MOXD1: variants seen among roughly 807,000 people sequenced by gnomAD.
MOXD1 encodes DBH-like monooxygenase protein 1.
In MOXD1, 62 loss-of-function variants were observed where a neutral mutation model predicts 66.6. The observed-to-expected ratio is 0.93, with a 90% CI of 0.76 to 1.15. The LOEUF is 1.15. Among genes scored for constraint, MOXD1 ranks in the 50% most tolerant of loss-of-function variants. The pLI is 0.00. For synonymous variants in MOXD1, 303 were observed against 281.9 expected, an observed-to-expected ratio of 1.07 and a Z score of -0.75; for missense variants, 847 against 754.6, an observed-to-expected ratio of 1.12 and a Z score of -1.44.
At chr6:132,387,579 C>T (rs1358888088) in intron 1 of MOXD1, among the ~76,000 whole-genome samples, 1 of 150,250 alleles carries the variant, frequency 6.7e-6, no homozygotes, top group Non-Finnish European at 1.5e-5. Context: ...CAAGGTGAAA[C>T]TCCATCTCTA....
At chr6:132,367,790 T>C (rs1776176775) in intron 4 of MOXD1, among the ~76,000 whole-genome samples, 1 of 152,094 alleles carries the variant, frequency 6.6e-6, no homozygotes, top group Admixed American at 6.6e-5. Context: ...ATGAAAATAC[T>C]GAACTGTGTG....
intron 8 of MOXD1, among the ~76,000 whole-genome samples, 164 bp downstream of exon 8, chr6:132,322,515 A>G (rs187312193): frequency 3.1e-4 from 47 of 152,346 alleles, no homozygotes; most frequent in African/African-American, 1.1e-3. Context: ...TGGAAAACAG[A>G]TCAAACACAT....
chr6:132,314,008 G>A (rs1774887953), intron 10 of MOXD1, among the ~76,000 whole-genome samples: 2 of 152,116 alleles, frequency 1.3e-5, no homozygotes, highest in African/African-American at 2.4e-5. Context: ...TTGAATAGTA[G>A]TGATCATTAG....
intron 4 of MOXD1, among the ~76,000 whole-genome samples, chr6:132,364,579 G>A (rs185421653): frequency 6.6e-6 from 1 of 152,276 alleles, no homozygotes; most frequent in East Asian, 1.9e-4. Context: ...TACCTCCAGA[G>A]CCAATTCTTG....
At chr6:132,362,019 T>G (rs1225186120) in intron 4 of MOXD1, among the ~76,000 whole-genome samples, 1 of 152,082 alleles carries the variant, frequency 6.6e-6, no homozygotes, top group Non-Finnish European at 1.5e-5. Context: ...CACATATAAT[T>G]TTTCCTGCTA....
At chr6:132,388,567 C>A (rs1028243375) in intron 1 of MOXD1, among the ~76,000 whole-genome samples, 1 of 151,448 alleles carries the variant, frequency 6.6e-6, no homozygotes, top group Non-Finnish European at 1.5e-5. Flanking sequence ...TCTTCCTCCT[C>A]CTCCCTTCTG....
At chr6:132,387,487 C>T (rs1776675087) in intron 1 of MOXD1, among the ~76,000 whole-genome samples, 1 of 150,926 alleles carries the variant, frequency 6.6e-6, no homozygotes, top group Admixed American at 6.7e-5. Flanking sequence ...AGCACGGTAG[C>T]TCACACCTGT....
chr6:132,308,369 C>T (rs1290737537), intron 10 of MOXD1, among the ~76,000 whole-genome samples: 1 of 152,096 alleles, frequency 6.6e-6, no homozygotes, highest in Non-Finnish European at 1.5e-5. Flanking sequence ...GAAGTTGAGG[C>T]AGTAATTAAT....
intron 4 of MOXD1, among the ~76,000 whole-genome samples, chr6:132,330,350 T>C (rs944404887): frequency 7.9e-5 from 12 of 152,220 alleles, no homozygotes; most frequent in African/African-American, 2.7e-4. Flanking sequence ...AGTGCGAATC[T>C]TATTATGAAC....
At chr6:132,385,485 TA>T (rs1482478152) in intron 1 of MOXD1, among the ~76,000 whole-genome samples, 28 of 141,052 alleles carry the variant, frequency 2.0e-4, no homozygotes, top group African/African-American at 7.3e-4. Flanking sequence ...TTATTATTAT[TA>T]TTATTATTAT....
At chr6:132,303,734 CATTTATTT>C (rs1774604866) in intron 10 of MOXD1, among the ~76,000 whole-genome samples, 1 of 142,626 alleles carries the variant, frequency 7.0e-6, no homozygotes, top group Non-Finnish European at 1.5e-5. Context: ...CACACACACA[CATTTATTT>C]ATACACATGT....
rs772927588 is a variant in MOXD1, at chr6:132,392,311, G to T, written c.264+8852C>A. 1.6e-5 allele frequency: 25 copies of T among 1,588,884 alleles called. No individual in the cohort carries two copies. In the Admixed American group the frequency reaches 2.8e-4, roughly 18 times the overall value. ...ACAAGCAAGCAAGGCTGTAAGAAAT[G>T]ATAACATATGTTTCAGCCTCCATTC... On this transcript the variant is annotated intron_variant, in intron 1 of 11. Transcript: ENST00000367963.
At chr6:132,320,398 G>A (rs1289658658) in intron 9 of MOXD1, among the ~76,000 whole-genome samples, 2 of 152,022 alleles carry the variant, frequency 1.3e-5, no homozygotes, top group South Asian at 2.1e-4. Flanking sequence ...TTTCATGAAG[G>A]AGTCAATTAA....
chr6:132,334,359 C>T (rs1168411289), intron 4 of MOXD1, among the ~76,000 whole-genome samples: 1 of 152,160 alleles, frequency 6.6e-6, no homozygotes, highest in Non-Finnish European at 1.5e-5. Context: ...TCTTTCCTTT[C>T]CTGTTAGCTC....
intron 1 of MOXD1, among the ~76,000 whole-genome samples, chr6:132,398,847 G>A (rs1386678098): frequency 1.4e-5 from 2 of 146,676 alleles, no homozygotes; most frequent in Non-Finnish European, 3.0e-5. Context: ...GCTGAGGCAC[G>A]AGAATCACTT....
At chr6:132,399,606 G>C (rs1296822395) in intron 1 of MOXD1, among the ~76,000 whole-genome samples, 1 of 152,130 alleles carries the variant, frequency 6.6e-6, no homozygotes, top group East Asian at 1.9e-4. Context: ...CATACAATTG[G>C]CTGGGCTTTC....
At chr6:132,381,818 T>C (rs1321099227) in intron 1 of MOXD1, among the ~76,000 whole-genome samples, 1 of 152,156 alleles carries the variant, frequency 6.6e-6, no homozygotes. Flanking sequence ...AAGTTGACAT[T>C]CACAAAACCA....
At chr6:132,361,259 T>C (rs1776012536) in intron 4 of MOXD1, among the ~76,000 whole-genome samples, 1 of 151,808 alleles carries the variant, frequency 6.6e-6, no homozygotes, top group Admixed American at 6.6e-5. Context: ...CTGAATTAGT[T>C]CATAAAACTC....
At chr6:132,356,257 G>A (rs1376407431) in intron 4 of MOXD1, among the ~76,000 whole-genome samples, 5 of 152,160 alleles carry the variant, frequency 3.3e-5, no homozygotes, top group Non-Finnish European at 4.4e-5. Context: ...AATCGGTAAA[G>A]GGTTGAACAG....
Sources: allele counts gnomAD v4.1 joint callset (sites outside exome capture counted in the v4.1 genomes callset), GRCh38; gene constraint gnomAD v4.1.1; transcripts MANE v1.5; gene names NCBI Gene and HGNC (gene_info 2026-07-23, HGNC 2026-07-21).